Variants in ZNF775 observed in about 807,000 individuals in gnomAD.
The protein encoded by ZNF775 is zinc finger protein 775.
ZNF775 carries 1 observed loss-of-function variant against 2.4 expected under a neutral mutation model. The ratio of observed to expected loss-of-function variants is 0.41; its 90% confidence interval spans 0.15 to 1.94. The LOEUF is 1.94. ZNF775 is among the 30% of genes most tolerant of loss of function. The probability of loss-of-function intolerance (pLI) is 0.30; values close to 1 mark genes in which losing one functional copy is unlikely to be tolerated. For synonymous variants in ZNF775, 381 were observed against 373.3 expected, an observed-to-expected ratio of 1.02 and a Z score of -0.24; for missense variants, 823 against 826.6, an observed-to-expected ratio of 1.00 and a Z score of 0.05.
In ZNF775 at chr7:150,382,257, C is replaced by T. The variant is rs984481888; in HGVS notation, c.-50+2865C>T. On this transcript the variant is annotated intron_variant, in intron 1 of 2. Coordinates refer to ENST00000329630, the MANE Select transcript of ZNF775 (RefSeq NM_173680.4). The surrounding 1 kb of genome is among the most constrained non-coding windows in gnomAD (Gnocchi z 4.6). ...TAGGAGGAGTGAGTGGCAGCGGGGACGCTGGCAGAGAGGCTTGTACAGATA... is the reference window on the plus strand; with the variant it reads ...TAGGAGGAGTGAGTGGCAGCGGGGATGCTGGCAGAGAGGCTTGTACAGATA... Among the ~76,000 whole-genome samples, 27 of 152,210 alleles carry T rather than the reference C, an allele frequency of 1.8e-4. No homozygotes were observed. Among genetic ancestry groups the T allele is most frequent in the Admixed American group, 1.2e-3 (19 of 15,296 alleles).
intron 2 of ZNF775, among the ~76,000 whole-genome samples, chr7:150,396,302 C>G (rs1800649558): frequency 6.6e-6 from 1 of 152,146 alleles, no homozygotes; most frequent in Admixed American, 6.5e-5. Context: ...CCCTTGTTGT[C>G]CTTTCTGCCT....
At position 150,398,170 on chromosome 7, in the gene ZNF775, G is replaced by A; in HGVS notation, c.*75G>A. 1 of 1,517,482 alleles carries A rather than the reference G, an allele frequency of 6.6e-7. No individual in the cohort carries two copies. The highest frequency in any genetic ancestry group is 8.8e-7 in the Non-Finnish European group (1 of 1,138,882). The allele number at this position is 1,517,482 out of a possible 1,614,324, so 94.0% of individuals were successfully genotyped here. On this transcript the variant is annotated 3_prime_UTR_variant, in exon 3 of 3. Coordinates refer to ENST00000329630, the MANE Select transcript of ZNF775 (RefSeq NM_173680.4). The stretch of plus-strand genomic sequence containing the variant: ...TGTGTGTGGGGAGTGGGGGTGGCCA[G>A]GATTGCTGGCTCTTAGAACCCCTTA...
intron 2 of ZNF775, among the ~76,000 whole-genome samples, chr7:150,391,582 G>C (rs943226727): frequency 5.3e-5 from 8 of 152,030 alleles, no homozygotes; most frequent in Admixed American, 2.6e-4. Context: ...AGTTGCACTA[G>C]TCACATTTCA....
In ZNF775 at chr7:150,397,625, C is replaced by T. The variant is rs1203292936; in HGVS notation, c.1144C>T (p.Arg382Cys). ...GKSCRSRAAL[R>C]AHQRAHAVAE... ...GAGCTGCCGCAGCCGCGCCGCGCTG[C>T]GCGCCCACCAGCGCGCCCACGCTGT... The change falls in exon 3 of 3, where the codon CGC becomes TGC. Residue 382 changes from arginine (R) to cysteine (C), a missense_variant. Coordinates refer to ENST00000329630, the MANE Select transcript of ZNF775 (RefSeq NM_173680.4). The T allele has an allele frequency of 5.9e-6, 8 of 1,355,020 alleles. 1 individual carries two copies. Among genetic ancestry groups the T allele is most frequent in the Non-Finnish European group, 7.5e-6 (8 of 1,059,634 alleles). The allele number at this position is 1,355,020 out of a possible 1,614,324, so 83.9% of individuals were successfully genotyped here.
At chr7:150,391,994 G>A (rs73172716) in intron 2 of ZNF775, among the ~76,000 whole-genome samples, 3,551 of 152,182 alleles carry the variant, frequency 0.023, 73 homozygotes, top group Middle Eastern at 0.037. Context: ...GATTACTGAC[G>A]TGAACCACTG....
chr7:150,381,961 G>T (rs1421034653), intron 1 of ZNF775, among the ~76,000 whole-genome samples: 1 of 151,264 alleles, frequency 6.6e-6, no homozygotes, highest in African/African-American at 2.4e-5. Flanking sequence ...GTCATGGGGG[G>T]TGGGACAGGG....
chr7:150,398,306 C>A lies in ZNF775; in HGVS notation c.*211C>A. On this transcript the variant is annotated 3_prime_UTR_variant, in exon 3 of 3. Coordinates refer to ENST00000329630, the MANE Select transcript of ZNF775 (RefSeq NM_173680.4). ...CGTGGGTTGAGGGAGGAGGGAAGATCCGAGTTCCTCACCGCGGGCCGGGAT... is the reference window on the plus strand; with the variant it reads ...CGTGGGTTGAGGGAGGAGGGAAGATACGAGTTCCTCACCGCGGGCCGGGAT... 1 of 808,314 alleles carries A rather than the reference C, an allele frequency of 1.2e-6. No homozygotes were observed. The allele number at this position is 808,314 out of a possible 1,614,324, so 50.1% of individuals were successfully genotyped here.
At chr7:150,385,307 G>A (rs914106649) in intron 1 of ZNF775, among the ~76,000 whole-genome samples, 3 of 152,226 alleles carry the variant, frequency 2.0e-5, no homozygotes, top group African/African-American at 7.2e-5. Flanking sequence ...ACCCAGAAAA[G>A]CTCTTTGCAA....
chr7:150,397,336 G>A lies in ZNF775; in HGVS notation c.855G>A (p.Glu285=). ...PGEPRQFICN[E]CGKSFTWWSS... is the part of the protein sequence containing the mutation. ...AGCCGCGCCAGTTCATCTGCAACGA[G>A]TGTGGCAAGAGCTTCACCTGGTGGT... Residue 285 remains glutamate, a synonymous_variant, in exon 3 of 3, where the codon GAG becomes GAA. Coordinates refer to ENST00000329630, the MANE Select transcript of ZNF775 (RefSeq NM_173680.4). 2 of 1,593,372 alleles carry A rather than the reference G, an allele frequency of 1.3e-6. No homozygotes were observed. Among genetic ancestry groups the A allele is most frequent in the Non-Finnish European group, 8.5e-7 (1 of 1,173,746 alleles).
At chr7:150,393,792 C>T (rs562782531) in intron 2 of ZNF775, among the ~76,000 whole-genome samples, 32 of 152,266 alleles carry the variant, frequency 2.1e-4, no homozygotes, top group African/African-American at 7.7e-4. Context: ...CCTCAACCTT[C>T]TGAGTAGCTG....
chr7:150,382,263 C>T lies in ZNF775; in HGVS notation c.-50+2871C>T, dbSNP rs117424180. ...GAGTGAGTGGCAGCGGGGACGCTGG[C>T]AGAGAGGCTTGTACAGATACTGCCC... On this transcript the variant is annotated intron_variant, in intron 1 of 2. Transcript: ENST00000329630. This position sits in a 1 kb window ranked among gnomAD's most constrained non-coding sequence, Gnocchi z 4.6. Among the ~76,000 whole-genome samples the T allele has an allele frequency of 6.2e-4, 94 of 152,268 alleles. 2 individuals carry two copies. The East Asian group carries it at 0.018, about 28-fold the overall frequency.
intron 2 of ZNF775, among the ~76,000 whole-genome samples, chr7:150,390,553 G>A (rs111380932): frequency 1.6e-4 from 24 of 152,328 alleles, no homozygotes; most frequent in African/African-American, 5.1e-4. Context: ...AATTCAATCA[G>A]ATGATTCATA....
At chr7:150,385,514 TACCCCGAA>T (rs1800435991) in intron 1 of ZNF775, among the ~76,000 whole-genome samples, 2 of 57,666 alleles carry the variant, frequency 3.5e-5, no homozygotes, top group Non-Finnish European at 7.9e-5. Context: ...GAGCCTGCAA[TACCCCGAA>T]TGACTGCAAA....
rs1370316012 is a variant in ZNF775, at chr7:150,397,488, C to G, written c.1007C>G (p.Pro336Arg). Residue 336 changes from proline (P) to arginine (R), a missense_variant, in exon 3 of 3, where the codon CCG becomes CGG. Physicochemically the swap from Pro to Arg is moderately radical, Grantham distance 103. Transcript: ENST00000329630. ...CTGCGCAACCACACAGGCGAGCGCC[C>G]GCACCCCTGCCCGCACTGTGGCCGC... ...RHLRNHTGER[P>R]HPCPHCGRGF... The G allele has an allele frequency of 6.3e-7, 1 of 1,585,560 alleles. No homozygotes were observed. Among genetic ancestry groups the G allele is most frequent in the South Asian group, 1.1e-5 (1 of 90,016 alleles).
Position 150,396,748 on chromosome 7 carries a change from C to T in ZNF775, c.267C>T (p.Pro89=), listed in dbSNP as rs779709812. The part of the protein sequence containing the change: ...EQDAGLAGRA[P]GSASGPLSPS... The stretch of plus-strand genomic sequence containing the variant: ...ATGCGGGGCTGGCAGGCCGGGCTCC[C>T]GGGTCAGCCTCCGGCCCCCTGAGCC... Residue 89 remains proline, a synonymous_variant, in exon 3 of 3, where the codon CCC becomes CCT. Transcript: ENST00000329630. The T allele has an allele frequency of 3.8e-6, 6 of 1,588,470 alleles. No individual in the cohort carries two copies. The highest frequency in any genetic ancestry group is 4.3e-6 in the Non-Finnish European group (5 of 1,168,172).
In ZNF775 at chr7:150,398,515, C is replaced by A; in HGVS notation, c.*420C>A. ...TGCCCCTGTGGGAGAGTTGCCAAGA[C>A]TCGGCGATACCAAGGATGGAAGCCA... On this transcript the variant is annotated 3_prime_UTR_variant, in exon 3 of 3. Transcript: ENST00000329630. 1 of 186,026 alleles carries A rather than the reference C, an allele frequency of 5.4e-6. No individual in the cohort carries two copies. Among genetic ancestry groups the A allele is most frequent in the Non-Finnish European group, 1.1e-5 (1 of 91,178 alleles). 11.5% of individuals were successfully genotyped at this position (186,026 alleles called of 1,614,324 possible).
Position 150,396,731 on chromosome 7 carries a change from C to T in ZNF775, c.250C>T (p.Leu84=). 1 of 1,592,952 alleles carries T rather than the reference C, an allele frequency of 6.3e-7. No homozygotes were observed. The highest frequency in any genetic ancestry group is 8.5e-7 in the Non-Finnish European group (1 of 1,170,282). The stretch of plus-strand genomic sequence containing the variant: ...CCCTCCCACTGAGCAGGATGCGGGG[C>T]TGGCAGGCCGGGCTCCCGGGTCAGC... ...WAPPTEQDAG[L]AGRAPGSASG... Residue 84 remains leucine (L), a synonymous_variant, in exon 3 of 3, where the codon CTG becomes TTG. Transcript: ENST00000329630.
At position 150,396,550 on chromosome 7, in the gene ZNF775, G is replaced by C; in HGVS notation, c.69G>C (p.Pro23=). ...GLVMKVKQEK[P]ERLLQTLAPQ... ...TGATGAAGGTCAAGCAGGAGAAGCC[G>C]GAGCGGCTGCTGCAGACGCTGGCGC... The change falls in exon 3 of 3, where the codon CCG becomes CCC. Residue 23 remains proline (P), a synonymous_variant. Coordinates refer to ENST00000329630, the MANE Select transcript of ZNF775 (RefSeq NM_173680.4). 6.2e-7 allele frequency: 1 copy of C among 1,603,590 alleles called. No homozygotes were observed. Among genetic ancestry groups the C allele is most frequent in the Non-Finnish European group, 8.5e-7 (1 of 1,176,996 alleles).
rs971851704 is a variant in ZNF775, at chr7:150,398,080, G to A, written c.1599G>A (p.Lys533=). 6.4e-7 allele frequency: 1 copy of A among 1,554,424 alleles called. No homozygotes were observed. The highest frequency in any genetic ancestry group is 1.9e-5 in the Admixed American group (1 of 53,162). Residue 533 remains lysine (K), a synonymous_variant, in exon 3 of 3, where the codon AAG becomes AAA. Coordinates refer to ENST00000329630, the MANE Select transcript of ZNF775 (RefSeq NM_173680.4). ...GCGCGGCCCCTGCGTGCAGCCCCAA[G>A]GAGGAGGCGCGCTAGTGGACTGGAC... ...VHRAAPACSP[K]EEAR
Sources: gnomAD v4.1 joint callset for allele counts (sites outside exome capture counted in the v4.1 genomes callset) on GRCh38, gnomAD v4.1.1 for gene constraint, Gnocchi (gnomAD v3.1) non-coding constraint, MANE v1.5 for transcripts, NCBI Gene and HGNC (gene_info 2026-07-23, HGNC 2026-07-21) for gene names.